The following PZP variants were observed in gnomAD, a reference collection of about 807,000 sequenced individuals.
The protein encoded by PZP is pregnancy zone protein.
A neutral mutation model predicts 179.8 loss-of-function variants in PZP; 150 were observed. The ratio of observed to expected loss-of-function variants is 0.83; its 90% CI spans 0.73 to 0.96. The LOEUF (loss-of-function observed/expected upper bound fraction) is 0.96, where lower values mean the gene tolerates loss of function less well. Ranked by LOEUF, PZP falls within the 40% of genes least tolerant of loss-of-function variation. The pLI is 0.00. For synonymous variants in PZP, 624 were observed against 652.3 expected (o/e 0.96, Z 0.66); for missense variants, 1,689 against 1,764.0 (o/e 0.96, Z 0.76).
At chr12:9,148,557 A>C (rs765761351), downstream of PZP, among the ~76,000 whole-genome samples, 1 of 152,106 alleles carries the variant, frequency 6.6e-6, no homozygotes, top group African/African-American at 2.4e-5. Context: ...ACTTCTCCTC[A>C]TCTCAAACAT....
chr12:9,144,581 T>C (rs762300800), downstream of PZP, among the ~76,000 whole-genome samples: 1 of 152,042 alleles, frequency 6.6e-6, no homozygotes, highest in South Asian at 2.1e-4. Context: ...GACAGGTTTA[T>C]TTTGGAGAAT....
At chr12:9,200,774 G>T (rs375319865) in intron 6 of PZP, 118 bp downstream of exon 6, 14 of 1,061,344 alleles carry the variant, frequency 1.3e-5, no homozygotes, top group African/African-American at 1.1e-4. Context: ...GGTCTTAGAA[G>T]CAGTAAGTCT....
the PZP span, among the ~76,000 whole-genome samples, chr12:9,142,305 T>C: frequency 6.6e-6 from 1 of 152,216 alleles, no homozygotes; most frequent in Non-Finnish European, 1.5e-5. Flanking sequence ...TATTAATGTT[T>C]CATTTATTAA....
At chr12:9,197,983 T>A (rs1168503425) in intron 7 of PZP, among the ~76,000 whole-genome samples, 1 of 134,218 alleles carries the variant, frequency 7.5e-6, no homozygotes. Flanking sequence ...TAATATATAT[T>A]ATATATATAT....
intron 10 of PZP, among the ~76,000 whole-genome samples, chr12:9,195,802 A>G (rs1174644969): frequency 2.6e-5 from 4 of 151,610 alleles, no homozygotes; most frequent in Non-Finnish European, 5.9e-5. Flanking sequence ...AATTATCAAT[A>G]TGAATAAAAT....
At position 9,153,188 on chromosome 12, in the gene PZP, T is replaced by C; in HGVS notation, c.3930A>G (p.Ser1310=). The C allele has an allele frequency of 6.2e-7, 1 of 1,606,560 alleles. No homozygotes were observed. The highest frequency in any genetic ancestry group is 8.5e-7 in the Non-Finnish European group (1 of 1,173,372). Reference sequence around the variant, plus strand: ...CATATTCTCCAGGGAGCTCTGGCAATGAGATCTGCTGCAGTAATAGGAGGT... The same window carrying C: ...CATATTCTCCAGGGAGCTCTGGCAACGAGATCTGCTGCAGTAATAGGAGGT... ...NNNLLLLQQI[S]LPELPGEYVI... Residue 1310 remains serine, a synonymous_variant, in exon 30 of 36, where the codon TCA becomes TCG. Transcript: ENST00000261336.
chr12:9,187,001 T>TA (rs1224807078), intron 13 of PZP, among the ~76,000 whole-genome samples: 10 of 102,336 alleles, frequency 9.8e-5, no homozygotes, highest in African/African-American at 2.7e-4. Context: ...AAGTATAATT[T>TA]AAAAAAAAAG....
At chr12:9,187,012 A>G (rs1288766987) in intron 13 of PZP, among the ~76,000 whole-genome samples, 2 of 151,698 alleles carry the variant, frequency 1.3e-5, no homozygotes, top group Non-Finnish European at 2.9e-5. Context: ...AAAAAAAAAG[A>G]AAAAGAGAAA....
intron 25 of PZP, among the ~76,000 whole-genome samples, chr12:9,159,077 A>T (rs12307479): frequency 6.6e-6 from 1 of 152,096 alleles, no homozygotes; most frequent in African/African-American, 2.4e-5. Context: ...AGAGAGAGAG[A>T]GAAAGGATAT....
chr12:9,162,703 A>G (rs1212297271), intron 21 of PZP, 55 bp from the exon 22 acceptor site: 3 of 1,339,306 alleles, frequency 2.2e-6, no homozygotes, highest in African/African-American at 2.9e-5. Context: ...GTGACAAGAG[A>G]ACCACATGGA....
chr12:9,206,510 G>T (rs1944446110), intron 1 of PZP, among the ~76,000 whole-genome samples: 1 of 152,192 alleles, frequency 6.6e-6, no homozygotes, highest in East Asian at 1.9e-4. Context: ...TTAAATATTT[G>T]CCTCTTTAGC....
intron 17 of PZP, 155 bp downstream of exon 17, chr12:9,168,714 C>A (rs1941766843): frequency 4.8e-6 from 3 of 625,510 alleles, no homozygotes; most frequent in Non-Finnish European, 8.4e-6. Context: ...CTAGCTATCA[C>A]CAGCTAAGTC....
intron 30 of PZP, 44 bp downstream of exon 30, chr12:9,153,081 C>A: frequency 6.2e-7 from 1 of 1,607,714 alleles, no homozygotes; most frequent in Non-Finnish European, 8.5e-7. Flanking sequence ...TTTCAATTGG[C>A]AAGTTTAAAG....
At chr12:9,168,314 GAA>G (rs1329979202) in intron 17 of PZP, 1 of 152,204 alleles carries the variant, frequency 6.6e-6, no homozygotes. Context: ...ATATTTTGGA[GAA>G]AAAGGGAGTT....
intron 13 of PZP, among the ~76,000 whole-genome samples, chr12:9,187,469 A>G (rs759919595): frequency 6.6e-6 from 1 of 152,204 alleles, no homozygotes; most frequent in Admixed American, 6.5e-5. Flanking sequence ...AAATGAAATC[A>G]TACACTCCAC....
At chr12:9,181,334 C>T (rs1335998223) in intron 14 of PZP, among the ~76,000 whole-genome samples, 1 of 152,194 alleles carries the variant, frequency 6.6e-6, no homozygotes, top group Non-Finnish European at 1.5e-5. Flanking sequence ...TCACAGATCC[C>T]AACAACTCTA....
chr12:9,162,436 T>C, intron 22 of PZP, 161 bp downstream of exon 22: 1 of 602,582 alleles, frequency 1.7e-6, no homozygotes, highest in Non-Finnish European at 2.9e-6. Flanking sequence ...TTGGGCTCAA[T>C]GTCTTCATCT....
intron 34 of PZP, 150 bp downstream of exon 34, chr12:9,150,494 G>A: frequency 1.8e-6 from 1 of 547,168 alleles, no homozygotes; most frequent in Non-Finnish European, 3.2e-6. Flanking sequence ...ATGTTGGCCA[G>A]ACTGTAGTAA....
chr12:9,163,956 T>C (rs1378475678), intron 20 of PZP, among the ~76,000 whole-genome samples, 167 bp from the exon 21 acceptor site: 1 of 152,160 alleles, frequency 6.6e-6, no homozygotes, highest in Non-Finnish European at 1.5e-5. Flanking sequence ...ATAGTGATTC[T>C]GGGGACTAGC....
Sources: allele counts gnomAD v4.1 joint callset (sites outside exome capture counted in the v4.1 genomes callset), GRCh38; gene constraint gnomAD v4.1.1; transcripts MANE v1.5; gene names NCBI Gene and HGNC (gene_info 2026-07-23, HGNC 2026-07-21).